The following ATP10A variants were observed in gnomAD, a reference collection of about 807,000 sequenced individuals.
The protein encoded by ATP10A is phospholipid-transporting ATPase VA.
ATP10A carries 111 observed loss-of-function variants against 147.8 expected under a neutral mutation model. The observed-to-expected ratio is 0.75, with a 90% CI of 0.64 to 0.88. ATP10A has a LOEUF of 0.88. Among genes scored for constraint, ATP10A ranks in the 40% least tolerant of loss-of-function variants. ATP10A has a pLI of 0.00. For missense variants in ATP10A, 1,927 were observed against 1,959.0 expected, an observed-to-expected ratio of 0.98 and a Z score of 0.31; for synonymous variants, 875 against 841.6, an observed-to-expected ratio of 1.04 and a Z score of -0.69.
At chr15:25,815,218 TAAAC>T (rs1353424216) in intron 1 of ATP10A, among the ~76,000 whole-genome samples, 1 of 152,174 alleles carries the variant, frequency 6.6e-6, no homozygotes, top group Non-Finnish European at 1.5e-5. Flanking sequence ...CCTACTCACT[TAAAC>T]AACCCAGTTA....
chr15:25,732,360 C>G (rs894823864), intron 3 of ATP10A, among the ~76,000 whole-genome samples: 1 of 151,898 alleles, frequency 6.6e-6, no homozygotes, highest in Non-Finnish European at 1.5e-5. Context: ...ATCAGCCTCC[C>G]AGGTAGCTGG....
intron 1 of ATP10A, among the ~76,000 whole-genome samples, chr15:25,799,322 C>T (rs1244167435): frequency 6.6e-6 from 1 of 152,050 alleles, no homozygotes; most frequent in East Asian, 1.9e-4. Flanking sequence ...TTTGGGAGCT[C>T]GTCTCTCCCG....
At chr15:25,699,455 T>C (rs904302553) in intron 13 of ATP10A, among the ~76,000 whole-genome samples, 3 of 152,234 alleles carry the variant, frequency 2.0e-5, no homozygotes, top group Non-Finnish European at 4.4e-5. Context: ...CAAAATGGAC[T>C]GTATCTATAG....
intron 2 of ATP10A, among the ~76,000 whole-genome samples, chr15:25,760,868 A>C (rs1459794700): frequency 2.6e-5 from 4 of 152,176 alleles, no homozygotes; most frequent in Non-Finnish European, 5.9e-5. Context: ...TATATAAAAC[A>C]TGTGCCTACC....
At chr15:25,749,247 T>G (rs1424139062) in intron 2 of ATP10A, among the ~76,000 whole-genome samples, 1 of 152,108 alleles carries the variant, frequency 6.6e-6, no homozygotes, top group Non-Finnish European at 1.5e-5. Context: ...GCTAACAAAA[T>G]CACTTTGCTA....
downstream of ATP10A, among the ~76,000 whole-genome samples, chr15:25,674,370 G>A (rs995645762): frequency 1.3e-5 from 2 of 152,184 alleles, no homozygotes; most frequent in African/African-American, 2.4e-5. Flanking sequence ...AAAGACGCTT[G>A]GCACTACCTG....
intron 2 of ATP10A, among the ~76,000 whole-genome samples, chr15:25,747,341 G>A (rs1202381139): frequency 6.7e-6 from 1 of 148,370 alleles, no homozygotes; most frequent in Non-Finnish European, 1.5e-5. Context: ...ACGTATCAAA[G>A]ATTGTGGGAT....
intron 7 of ATP10A, among the ~76,000 whole-genome samples, chr15:25,719,257 C>T (rs1350817923): frequency 3.3e-5 from 5 of 152,146 alleles, no homozygotes; most frequent in East Asian, 1.9e-4. Context: ...CTTATGGAGC[C>T]GGCCAGCCGC....
chr15:25,782,174 C>G (rs1889957776), intron 1 of ATP10A, among the ~76,000 whole-genome samples: 1 of 152,178 alleles, frequency 6.6e-6, no homozygotes, highest in Admixed American at 6.5e-5. Flanking sequence ...AAGGACAACT[C>G]TTGCCGGTTC....
At chr15:25,749,877 A>T (rs1335323884) in intron 2 of ATP10A, among the ~76,000 whole-genome samples, 3 of 152,154 alleles carry the variant, frequency 2.0e-5, no homozygotes, top group Non-Finnish European at 4.4e-5. Flanking sequence ...TAGAACTTAC[A>T]AAAGAAAAAT....
At chr15:25,859,495 C>G (rs549683488) in intron 1 of ATP10A, among the ~76,000 whole-genome samples, 1 of 152,276 alleles carries the variant, frequency 6.6e-6, no homozygotes, top group South Asian at 2.1e-4. Flanking sequence ...CTTCCCACAC[C>G]CTCCCATCAC....
At chr15:25,748,173 A>G (rs1202356769) in intron 2 of ATP10A, among the ~76,000 whole-genome samples, 1 of 152,162 alleles carries the variant, frequency 6.6e-6, no homozygotes, top group African/African-American at 2.4e-5. Context: ...TGTGTTAGCC[A>G]GGATGGTCTT....
chr15:25,793,532 G>T (rs1890530519), intron 1 of ATP10A, among the ~76,000 whole-genome samples: 1 of 152,188 alleles, frequency 6.6e-6, no homozygotes, highest in African/African-American at 2.4e-5. Flanking sequence ...CTCTGTAAGT[G>T]GCCACAGGTC....
At chr15:25,727,350 C>T in intron 3 of ATP10A, 84 bp from the exon 4 acceptor site, 2 of 1,227,998 alleles carry the variant, frequency 1.6e-6, no homozygotes, top group South Asian at 1.2e-5. Flanking sequence ...GGAAGGAAGG[C>T]CCTGACACAA....
At chr15:25,847,682 G>A (rs1426274022) in intron 1 of ATP10A, among the ~76,000 whole-genome samples, 1 of 126,148 alleles carries the variant, frequency 7.9e-6, no homozygotes, top group Non-Finnish European at 1.6e-5. Flanking sequence ...ACCTGGGCTG[G>A]AGTGCAGTAG....
At chr15:25,742,196 C>T (rs577858998) in intron 2 of ATP10A, among the ~76,000 whole-genome samples, 5 of 152,342 alleles carry the variant, frequency 3.3e-5, no homozygotes, top group East Asian at 3.9e-4. Flanking sequence ...CTCGTCTCCA[C>T]GGTGACAAGC....
chr15:25,714,998 ACAC>A (rs1009008300), intron 9 of ATP10A, among the ~76,000 whole-genome samples: 1 of 139,820 alleles, frequency 7.2e-6, no homozygotes, highest in Non-Finnish European at 1.5e-5. Context: ...ACACACACAC[ACAC>A]AATTGTTAAA....
At chr15:25,810,680 C>T (rs553927307) in intron 1 of ATP10A, among the ~76,000 whole-genome samples, 28 of 152,216 alleles carry the variant, frequency 1.8e-4, no homozygotes, top group African/African-American at 5.5e-4. Flanking sequence ...GTCTGAAAAA[C>T]GAGCCAGCAC....
intron 2 of ATP10A, among the ~76,000 whole-genome samples, chr15:25,775,500 G>A (rs866501731): frequency 7.9e-5 from 12 of 152,326 alleles, no homozygotes; most frequent in Middle Eastern, 3.4e-3. Context: ...GTGAAGGTAC[G>A]TGTTTAAGAG....
Sources: allele counts gnomAD v4.1 joint callset (sites outside exome capture counted in the v4.1 genomes callset), GRCh38; gene constraint gnomAD v4.1.1; transcripts MANE v1.5; gene names NCBI Gene and HGNC (gene_info 2026-07-23, HGNC 2026-07-21).